SMYD3: variants seen among roughly 807,000 people sequenced by gnomAD.
SMYD3 encodes histone-lysine N-methyltransferase SMYD3.
SMYD3 carries 36 observed loss-of-function variants against 57.7 expected under a neutral mutation model. The ratio of observed to expected loss-of-function variants is 0.62; its 90% CI spans 0.48 to 0.82. The LOEUF (loss-of-function observed/expected upper bound fraction) is 0.82. SMYD3 is among the 40% of genes least tolerant of loss of function. The pLI is 0.00. For missense variants in SMYD3, 515 were observed against 538.8 expected, an observed-to-expected ratio of 0.96 and a Z score of 0.44; for synonymous variants, 211 against 195.0, an observed-to-expected ratio of 1.08 and a Z score of -0.68.
intron 8 of SMYD3, among the ~76,000 whole-genome samples, chr1:245,897,310 T>C (rs1165926105): frequency 6.6e-6 from 1 of 151,908 alleles, no homozygotes; most frequent in Non-Finnish European, 1.5e-5. Context: ...CTCTGAGGAG[T>C]AGGTCGTGGG....
chr1:246,190,414 G>A (rs1208891902), intron 5 of SMYD3, among the ~76,000 whole-genome samples: 1 of 151,852 alleles, frequency 6.6e-6, no homozygotes, highest in Admixed American at 6.6e-5. Flanking sequence ...GTGAAACCCC[G>A]TCTCTACTAA....
chr1:245,754,886 G>A (rs2045543873), intron 11 of SMYD3, among the ~76,000 whole-genome samples: 1 of 152,250 alleles, frequency 6.6e-6, no homozygotes, highest in Non-Finnish European at 1.5e-5. Flanking sequence ...GTGTTCAACA[G>A]AGATGCAAAG....
At chr1:245,958,526 G>A (rs76494793) in intron 5 of SMYD3, among the ~76,000 whole-genome samples, 4,028 of 152,126 alleles carry the variant, frequency 0.026, 166 homozygotes, top group African/African-American at 0.091. Context: ...CCAAAACTTA[G>A]CTCAAGGGTT....
chr1:246,194,272 GTTT>G (rs372181316), intron 5 of SMYD3, among the ~76,000 whole-genome samples: 4 of 144,382 alleles, frequency 2.8e-5, no homozygotes, highest in African/African-American at 7.7e-5. Context: ...GGGTTTTTTT[GTTT>G]TTTTTTTTTT....
At chr1:245,969,291 C>A (rs1175591115) in intron 5 of SMYD3, among the ~76,000 whole-genome samples, 2 of 152,176 alleles carry the variant, frequency 1.3e-5, no homozygotes, top group African/African-American at 2.4e-5. Flanking sequence ...GTTAGTGAGA[C>A]CATCAGCAAC....
At chr1:246,155,746 G>A (rs990613679) in intron 5 of SMYD3, among the ~76,000 whole-genome samples, 3 of 152,108 alleles carry the variant, frequency 2.0e-5, no homozygotes, top group Admixed American at 6.5e-5. Flanking sequence ...TTGGGAGGCC[G>A]AGGCAGGTGG....
chr1:245,932,239 C>T (rs1166614887), intron 5 of SMYD3, among the ~76,000 whole-genome samples: 2 of 152,070 alleles, frequency 1.3e-5, no homozygotes, highest in East Asian at 1.9e-4. Context: ...AGCAAATTAA[C>T]GGTTTTTTCA....
chr1:245,847,458 G>C (rs535989996), intron 10 of SMYD3, among the ~76,000 whole-genome samples: 2 of 152,336 alleles, frequency 1.3e-5, no homozygotes, highest in South Asian at 2.1e-4. Context: ...AAATTATGAA[G>C]TGTGTCCTTT....
rs1457047881 is a variant in SMYD3, at chr1:246,330,402, G to A, written c.394+78C>T. ...CATTATAAAGAAACAGAAAAACATA[G>A]TTAAAAATAAATCCATTCACCAACT... On this transcript the variant is annotated intron_variant, in intron 4 of 11. Transcript: ENST00000490107. 3.4e-6 allele frequency: 4 copies of A among 1,176,138 alleles called. No individual in the cohort carries two copies. In the South Asian group the frequency reaches 5.0e-5, roughly 15 times the overall value. 72.9% of individuals were successfully genotyped at this position (1,176,138 alleles called of 1,614,324 possible). A position where few individuals can be genotyped will look rare whatever the true frequency, so the allele number is the denominator to read the frequency against.
intron 10 of SMYD3, among the ~76,000 whole-genome samples, chr1:245,842,369 AT>A (rs1313039644): frequency 6.6e-6 from 1 of 152,122 alleles, no homozygotes; most frequent in Non-Finnish European, 1.5e-5. Flanking sequence ...TCCATAATTG[AT>A]TTTCGGCCAA....
intron 11 of SMYD3, among the ~76,000 whole-genome samples, chr1:245,751,592 GAA>G (rs2045372778): frequency 3.9e-5 from 3 of 77,126 alleles, no homozygotes; most frequent in African/African-American, 9.9e-5. Context: ...GAGAGAGAGA[GAA>G]AGAGAGAGAG....
chr1:245,906,480 G>C (rs1353535299), intron 8 of SMYD3, among the ~76,000 whole-genome samples: 1 of 152,058 alleles, frequency 6.6e-6, no homozygotes, highest in East Asian at 1.9e-4. Context: ...TTATAATAAA[G>C]ACAAGCAGTA....
rs143724150 is a variant in SMYD3 at position 246,279,136 on chromosome 1, C to T, written c.531+48065G>A. Among the ~76,000 whole-genome samples, 467 of 152,284 alleles carry T rather than the reference C, an allele frequency of 3.1e-3. 3 individuals are homozygous for T. The highest frequency in any genetic ancestry group is 0.01 in the African/African-American group (416 of 41,570). Reference sequence around the variant, plus strand: ...GTCCTTTAAAGCCAGGGCCTTACTCCCTTCTGTGGAGACACACACCCCTTG... The same window carrying T: ...GTCCTTTAAAGCCAGGGCCTTACTCTCTTCTGTGGAGACACACACCCCTTG... On this transcript the variant is annotated intron_variant, in intron 5 of 11. Transcript: ENST00000490107.
chr1:246,117,005 T>C (rs903449918), intron 5 of SMYD3, among the ~76,000 whole-genome samples: 2 of 152,180 alleles, frequency 1.3e-5, no homozygotes, highest in Non-Finnish European at 2.9e-5. Context: ...GGATAAATTA[T>C]AAATATTAGA....
intron 5 of SMYD3, among the ~76,000 whole-genome samples, chr1:246,021,211 C>G (rs1296115125): frequency 1.3e-5 from 2 of 152,206 alleles, no homozygotes; most frequent in Admixed American, 6.5e-5. Context: ...AGGAGTTCCA[C>G]TTCTACTGCC....
intron 5 of SMYD3, among the ~76,000 whole-genome samples, chr1:246,173,574 AT>A (rs202193123): frequency 0.05 from 7,674 of 152,072 alleles, 255 homozygotes; most frequent in Middle Eastern, 0.068. Flanking sequence ...CTATTTTTAA[AT>A]TTTTTTTACT....
At chr1:246,444,229 C>T (rs1249162357) in intron 1 of SMYD3, among the ~76,000 whole-genome samples, 1 of 151,522 alleles carries the variant, frequency 6.6e-6, no homozygotes, top group East Asian at 1.9e-4. Flanking sequence ...CAGGTTCAAG[C>T]AATTTTCTGC....
At chr1:245,927,671 C>CCT (rs369824398) in intron 7 of SMYD3, among the ~76,000 whole-genome samples, 22 of 152,090 alleles carry the variant, frequency 1.4e-4, no homozygotes, top group African/African-American at 4.8e-4. Context: ...TACACAAACT[C>CCT]CTCTCTCTCT....
chr1:246,118,077 T>C (rs2061369801), intron 5 of SMYD3, among the ~76,000 whole-genome samples: 1 of 152,088 alleles, frequency 6.6e-6, no homozygotes, highest in African/African-American at 2.4e-5. Flanking sequence ...GCTCAGAATA[T>C]ATACTGAGCA....
Sources: gnomAD v4.1 joint callset for allele counts (sites outside exome capture counted in the v4.1 genomes callset) on GRCh38, gnomAD v4.1.1 for gene constraint, MANE v1.5 for transcripts, NCBI Gene and HGNC (gene_info 2026-07-23, HGNC 2026-07-21) for gene names.